The following KAT6A variants were observed in gnomAD, a reference collection of about 807,000 sequenced individuals.
The protein encoded by KAT6A is lysine acetyltransferase 6A.
Under a neutral mutation model 198.4 loss-of-function variants are expected in KAT6A, and 9 were observed. The observed-to-expected ratio is 0.05, with a 90% CI of 0.03 to 0.08. The LOEUF is 0.08. Ranked by LOEUF, KAT6A falls within the 10% of genes least tolerant of loss-of-function variation. KAT6A has a pLI of 1.00. For synonymous variants in KAT6A, 890 were observed against 883.0 expected (o/e 1.01, Z -0.14); for missense variants, 2,077 against 2,509.9 (o/e 0.83, Z 3.69).
rs968625263 is a variant in KAT6A at position 41,995,223 on chromosome 8, T to C, written c.601-7660A>G. Among the ~76,000 whole-genome samples, 6 of 152,016 alleles carry C rather than the reference T, an allele frequency of 3.9e-5. 1 individual carries two copies. Among genetic ancestry groups the C allele is most frequent in the East Asian group, 1.9e-4 (1 of 5,202 alleles). ...TATGAGCCTGATAAAAAGCCATGTG[T>C]AGTGCAGTAATAATCACAGCAGTAC... On this transcript the variant is annotated intron_variant, in intron 2 of 16. Transcript: ENST00000265713.
At position 42,049,000 on chromosome 8, in the gene KAT6A, T is replaced by C; in HGVS notation, c.-23A>G. 6.2e-7 allele frequency: 1 copy of C among 1,600,096 alleles called. No homozygotes were observed. Among genetic ancestry groups the C allele is most frequent in the Non-Finnish European group, 8.5e-7 (1 of 1,174,810 alleles). ...CATGGTGAAGGATTCTGTATATCCA[T>C]AGAGTCGTTATCCCTTATCCTGATG... On this transcript the variant is annotated 5_prime_UTR_variant, in exon 2 of 17. It removes an upstream start codon present in the reference 5' UTR. Transcript: ENST00000265713.
chr8:42,008,281 G>A (rs1031149398), intron 2 of KAT6A, among the ~76,000 whole-genome samples: 4 of 152,088 alleles, frequency 2.6e-5, no homozygotes, highest in African/African-American at 9.7e-5. Flanking sequence ...ATAATCCAAA[G>A]CTAACATTTT....
At chr8:41,935,393 C>A (rs745643436) in intron 16 of KAT6A, among the ~76,000 whole-genome samples, 119 of 152,078 alleles carry the variant, frequency 7.8e-4, no homozygotes, top group Admixed American at 1.8e-3. Flanking sequence ...CATGACTGAG[C>A]CATCGTATGT....
rs1055616399 is a variant in KAT6A, at chr8:42,023,018, C to T, written c.600+25360G>A. 3.3e-5 allele frequency among the ~76,000 whole-genome samples: 5 copies of T among 152,294 alleles called. No individual in the cohort carries two copies. In the South Asian group the frequency reaches 1.0e-3, roughly 32 times the overall value. ...TACCTAGACTGTATAGCTTACTACA[C>T]ACCTAGGCTATATGGTATAGGCTAC... On this transcript the variant is annotated intron_variant, in intron 2 of 16. Transcript: ENST00000265713.
At chr8:41,994,780 G>A (rs896913038) in intron 2 of KAT6A, among the ~76,000 whole-genome samples, 4 of 152,194 alleles carry the variant, frequency 2.6e-5, no homozygotes, top group African/African-American at 9.6e-5. Context: ...TGCCTAGGCT[G>A]GGCACGGTGG....
chr8:41,964,388 T>C (rs1232618708), intron 8 of KAT6A, among the ~76,000 whole-genome samples: 1 of 152,114 alleles, frequency 6.6e-6, no homozygotes, highest in African/African-American at 2.4e-5. Flanking sequence ...GTCCCCCTTA[T>C]CCACCCACTG....
In KAT6A at chr8:41,974,782, C is replaced by T. The variant is rs1319595615; in HGVS notation, c.1404G>A (p.Glu468=). The stretch of plus-strand genomic sequence containing the variant: ...TGATTTCCTGGCTCCCAAAAAGTCG[C>T]TCCTCATTTTCTTGTTTGCCATCCC... ...DGWDGKQENE[E]RLFGSQEIMT... is the part of the protein sequence containing the mutation. The change falls in exon 8 of 17, where the codon GAG becomes GAA. Residue 468 remains glutamate, a synonymous_variant. Coordinates refer to ENST00000265713, the MANE Select transcript of KAT6A (RefSeq NM_006766.5). 3 of 1,610,236 alleles carry T rather than the reference C, an allele frequency of 1.9e-6. No individual in the cohort carries two copies. Among genetic ancestry groups the T allele is most frequent in the Non-Finnish European group, 2.5e-6 (3 of 1,178,140 alleles).
At chr8:41,954,766 C>T (rs1327710786) in intron 9 of KAT6A, among the ~76,000 whole-genome samples, 1 of 152,298 alleles carries the variant, frequency 6.6e-6, no homozygotes, top group Non-Finnish European at 1.5e-5. Context: ...AGAGCTGAGT[C>T]ATGAAACCAC....
At chr8:42,031,690 T>C (rs923007171) in intron 2 of KAT6A, among the ~76,000 whole-genome samples, 8 of 134,934 alleles carry the variant, frequency 5.9e-5, no homozygotes, top group Non-Finnish European at 1.1e-4. Context: ...AGTGCAGTGG[T>C]GTGATCTTGG....
At chr8:42,014,808 A>T (rs980848709) in intron 2 of KAT6A, among the ~76,000 whole-genome samples, 1 of 152,248 alleles carries the variant, frequency 6.6e-6, no homozygotes, top group Non-Finnish European at 1.5e-5. Context: ...TAGAAGCTGG[A>T]GCAGTATGTG....
At chr8:41,957,175 G>A (rs572864520) in intron 8 of KAT6A, 45 of 592,708 alleles carry the variant, frequency 7.6e-5, no homozygotes, top group South Asian at 2.6e-4. Context: ...CCACAACTGC[G>A]CACGTCTGTC....
intron 2 of KAT6A, among the ~76,000 whole-genome samples, chr8:42,038,178 A>G (rs1827470436): frequency 6.6e-6 from 1 of 152,210 alleles, no homozygotes; most frequent in Non-Finnish European, 1.5e-5. Context: ...ACCTACTGAA[A>G]ATTAGACTTA....
chr8:41,984,788 T>C (rs1353926569), intron 3 of KAT6A, among the ~76,000 whole-genome samples: 1 of 151,826 alleles, frequency 6.6e-6, no homozygotes, highest in Non-Finnish European at 1.5e-5. Flanking sequence ...ACCATCCTGG[T>C]GAAGTAGAGA....
At chr8:42,042,376 T>C (rs2150928644) in intron 2 of KAT6A, among the ~76,000 whole-genome samples, 1 of 151,480 alleles carries the variant, frequency 6.6e-6, no homozygotes, top group African/African-American at 2.4e-5. Context: ...GAGAATCGCT[T>C]GAACCCAGGA....
chr8:41,934,829 G>A lies in KAT6A; in HGVS notation c.3391C>T (p.Arg1131Cys), dbSNP rs1263367263. 11 of 1,612,400 alleles carry A rather than the reference G, an allele frequency of 6.8e-6. No homozygotes were observed. Among genetic ancestry groups the A allele is most frequent in the African/African-American group, 1.3e-5 (1 of 74,668 alleles). Residue 1131 changes from arginine (R) to cysteine (C), a missense_variant, in exon 17 of 17, where the codon CGT becomes TGT. This residue lies in a region of KAT6A where 375 missense variants were observed against 383.0 expected (regional missense o/e 0.98). Transcript: ENST00000265713. ...TCAAGAGGAGAATTCTTCACATCAC[G>A]TTTTCGCAAAAGAGATACTGGCTTT... ...ILKPVSLLRK[R>C]DVKNSPLEPD... is the part of the protein sequence containing the mutation.
At chr8:41,993,473 T>C (rs1286158748) in intron 2 of KAT6A, among the ~76,000 whole-genome samples, 1 of 152,220 alleles carries the variant, frequency 6.6e-6, no homozygotes, top group Non-Finnish European at 1.5e-5. Flanking sequence ...CAGTCACACA[T>C]GGCATGCTCC....
chr8:42,009,360 A>C (rs954170512), intron 2 of KAT6A, among the ~76,000 whole-genome samples: 3 of 151,818 alleles, frequency 2.0e-5, no homozygotes, highest in African/African-American at 7.3e-5. Flanking sequence ...TTATCTTAGG[A>C]AACTTCACAG....
At chr8:42,036,472 G>T (rs1162736180) in intron 2 of KAT6A, among the ~76,000 whole-genome samples, 1 of 152,122 alleles carries the variant, frequency 6.6e-6, no homozygotes, top group Non-Finnish European at 1.5e-5. Context: ...AATTAGCCAG[G>T]GGTGGTAGCA....
intron 16 of KAT6A, among the ~76,000 whole-genome samples, chr8:41,935,397 C>T (rs902213827): frequency 3.9e-5 from 6 of 152,000 alleles, no homozygotes; most frequent in Admixed American, 3.3e-4. Context: ...ACTGAGCCAT[C>T]GTATGTGAAC....
Sources: gnomAD v4.1 joint callset for allele counts (sites outside exome capture counted in the v4.1 genomes callset) on GRCh38, gnomAD v4.1.1 for gene constraint, gnomAD v4.1.1 regional missense constraint, MANE v1.5 for transcripts, NCBI Gene and HGNC (gene_info 2026-07-23, HGNC 2026-07-21) for gene names.